The following CPSF6 variants were observed in gnomAD, a reference collection of about 807,000 sequenced individuals.
The protein encoded by CPSF6 is cleavage and polyadenylation specific factor 6.
CPSF6 carries 10 observed loss-of-function variants against 56.7 expected under a neutral mutation model. That is an observed-to-expected ratio of 0.18 (90% CI 0.11 to 0.30). CPSF6 has a LOEUF of 0.30. Among genes scored for constraint, CPSF6 ranks in the 10% least tolerant of loss-of-function variants. The pLI, the probability that CPSF6 is intolerant of heterozygous loss-of-function variation, is 1.00. For missense variants in CPSF6, 419 were observed against 722.9 expected (o/e 0.58, Z 4.82); for synonymous variants, 248 against 244.8 (o/e 1.01, Z -0.12).
At position 69,273,893 on chromosome 12, in the gene CPSF6, A is replaced by T. The variant is rs908137614; in HGVS notation, c.*4385A>T. On this transcript the variant is annotated 3_prime_UTR_variant, in exon 10 of 10. Transcript: ENST00000435070. Reference sequence around the variant, plus strand: ...GTTTACAGCCCTGTACAGCCTTACAAAGTTGTTTTACAATTTTTAATGGAA... The same window carrying T: ...GTTTACAGCCCTGTACAGCCTTACATAGTTGTTTTACAATTTTTAATGGAA... 9 of 151,944 alleles carry T rather than the reference A, an allele frequency of 5.9e-5. No individual in the cohort carries two copies. Among genetic ancestry groups the T allele is most frequent in the Non-Finnish European group, 1.0e-4 (7 of 67,860 alleles). The allele number at this position is 151,944 out of a possible 1,614,324, so 9.4% of individuals were successfully genotyped here. A position where few individuals can be genotyped will look rare whatever the true frequency, so the allele number is the denominator to read the frequency against.
chr12:69,249,255 AG>A (rs368697666), intron 1 of CPSF6, among the ~76,000 whole-genome samples: 1,628 of 148,108 alleles, frequency 0.011, 16 homozygotes, highest in Middle Eastern at 0.055. Context: ...TGGGCGACAG[AG>A]CAAGACTCCG....
At chr12:69,268,877 A>G (rs530301440) in intron 9 of CPSF6, among the ~76,000 whole-genome samples, 1 of 151,910 alleles carries the variant, frequency 6.6e-6, no homozygotes, top group South Asian at 2.1e-4. Context: ...GGTGGAATAG[A>G]CTAAAAGTAA....
At position 69,259,042 on chromosome 12, in the gene CPSF6, C is replaced by T. The variant is rs867013321; in HGVS notation, c.1147C>T (p.Pro383Ser). The change falls in exon 6 of 10, where the codon CCA (proline) becomes TCA (serine). Residue 383 changes from proline (P) to serine (S), a missense_variant. Around this residue, in one of 4 missense-constraint regions of CPSF6, gnomAD observed 211 missense variants for 296.0 expected, o/e 0.71. Transcript: ENST00000435070. Reference sequence around the variant, plus strand: ...TAGCCGAGGTCCACCACCAACAGATCCATATGGGCGACCTCCACCATATGA... The same window carrying T: ...TAGCCGAGGTCCACCACCAACAGATTCATATGGGCGACCTCCACCATATGA... ...SDSRGPPPTD[P>S]YGRPPPYDRG... The T allele has an allele frequency of 6.2e-7, 1 of 1,605,864 alleles. No individual in the cohort carries two copies. The highest frequency in any genetic ancestry group is 8.5e-7 in the Non-Finnish European group (1 of 1,179,974).
At chr12:69,247,123 A>G (rs978788341) in intron 1 of CPSF6, among the ~76,000 whole-genome samples, 17 of 31,306 alleles carry the variant, frequency 5.4e-4, no homozygotes, top group Non-Finnish European at 7.3e-5. Context: ...GTAATTAGGG[A>G]AAAAATGTCT....
At chr12:69,259,367 G>A (rs1331846765) in intron 6 of CPSF6, 61 bp from the exon 7 acceptor site, 24 of 1,575,182 alleles carry the variant, frequency 1.5e-5, no homozygotes, top group Middle Eastern at 1.7e-4. Flanking sequence ...GCTATACACT[G>A]TTGTGACTAA....
intron 1 of CPSF6, among the ~76,000 whole-genome samples, chr12:69,243,226 G>A (rs1208992426): frequency 2.6e-5 from 4 of 152,186 alleles, no homozygotes; most frequent in Non-Finnish European, 5.9e-5. Context: ...CCTACATACA[G>A]TAGTGCACAC....
chr12:69,239,945 T>C (rs1449497766), intron 1 of CPSF6, among the ~76,000 whole-genome samples: 1 of 150,076 alleles, frequency 6.7e-6, no homozygotes, highest in East Asian at 2.0e-4. Flanking sequence ...CGGGCCGCTG[T>C]GCAGCTGCCG....
At chr12:69,261,889 T>C (rs1392562971) in intron 8 of CPSF6, among the ~76,000 whole-genome samples, 1 of 152,188 alleles carries the variant, frequency 6.6e-6, no homozygotes, top group Non-Finnish European at 1.5e-5. Flanking sequence ...GAATATAACA[T>C]GCGTATTAGA....
chr12:69,240,280 C>T (rs1487014639), intron 1 of CPSF6, among the ~76,000 whole-genome samples: 1 of 152,244 alleles, frequency 6.6e-6, no homozygotes, highest in Non-Finnish European at 1.5e-5. Context: ...CCCCGGGGCT[C>T]TCCTTCTCGG....
At chr12:69,268,599 C>T (rs957391880) in intron 9 of CPSF6, among the ~76,000 whole-genome samples, 17 of 151,770 alleles carry the variant, frequency 1.1e-4, no homozygotes, top group Non-Finnish European at 2.4e-4. Context: ...CCTCTTGACT[C>T]TTAAATCACT....
chr12:69,260,656 G>C (rs190194153), intron 8 of CPSF6, among the ~76,000 whole-genome samples: 1 of 152,030 alleles, frequency 6.6e-6, no homozygotes, highest in Non-Finnish European at 1.5e-5. Flanking sequence ...TTAGTCTGTC[G>C]TATTGTTCTT....
chr12:69,263,745 A>T (rs1021465799), intron 9 of CPSF6, among the ~76,000 whole-genome samples: 1 of 152,070 alleles, frequency 6.6e-6, no homozygotes, highest in Non-Finnish European at 1.5e-5. Context: ...CAGATACGCA[A>T]ATGAAGTCCT....
In CPSF6 at chr12:69,258,188, AT is replaced by A; in HGVS notation, c.694+286del. 1 of 1,057,176 alleles carries A rather than the reference AT, an allele frequency of 9.5e-7. No homozygotes were observed. Among genetic ancestry groups the A allele is most frequent in the Non-Finnish European group, 1.4e-6 (1 of 727,250 alleles). 65.5% of individuals were successfully genotyped at this position (1,057,176 alleles called of 1,614,324 possible). A position where few individuals can be genotyped will look rare whatever the true frequency, so the allele number is the denominator to read the frequency against. On this transcript the variant is annotated intron_variant, in intron 5 of 9. Transcript: ENST00000435070. The surrounding 1 kb of genome is among the most constrained non-coding windows in gnomAD (Gnocchi z 4.2). ...AACTTGCTTGACTTATATATAGAAT[AT>A]TTACATCCGTCTTACTTTCTTACCT...
In CPSF6 at chr12:69,239,622, C is replaced by T. The variant is rs1373942015; in HGVS notation, c.-25C>T. The T allele has an allele frequency of 1.9e-6, 3 of 1,553,872 alleles. No homozygotes were observed. The highest frequency in any genetic ancestry group is 8.7e-7 in the Non-Finnish European group (1 of 1,152,924). On this transcript the variant is annotated 5_prime_UTR_variant, in exon 1 of 10. Transcript: ENST00000435070. ...GCAGACCTGCAGGAGGCGGCGGCGG[C>T]GGCGGCGGCCGAGGCTGAAGGAAGA...
At chr12:69,249,257 C>T (rs568706970) in intron 1 of CPSF6, among the ~76,000 whole-genome samples, 1,629 of 144,162 alleles carry the variant, frequency 0.011, 15 homozygotes, top group Middle Eastern at 0.058. Context: ...GGCGACAGAG[C>T]AAGACTCCGT....
intron 4 of CPSF6, 102 bp from the exon 5 acceptor site, chr12:69,257,630 C>G (rs1281402320): frequency 1.5e-5 from 16 of 1,099,170 alleles, no homozygotes; most frequent in Non-Finnish European, 1.8e-5. Context: ...AAGGCATTTG[C>G]AAGTTAATAT....
chr12:69,268,738 A>T (rs1416272655), intron 9 of CPSF6, among the ~76,000 whole-genome samples: 1 of 151,664 alleles, frequency 6.6e-6, no homozygotes, highest in Non-Finnish European at 1.5e-5. Flanking sequence ...TGTATTCTTT[A>T]AATTTTAGTT....
At position 69,272,986 on chromosome 12, in the gene CPSF6, T is replaced by C. The variant is rs562172906; in HGVS notation, c.*3478T>C. The C allele has an allele frequency of 2.8e-5, 7 of 252,682 alleles. No individual in the cohort carries two copies. Among genetic ancestry groups the C allele is most frequent in the African/African-American group, 1.6e-4 (7 of 44,010 alleles). 15.7% of individuals were successfully genotyped at this position (252,682 alleles called of 1,614,324 possible). Reference sequence around the variant, plus strand: ...ACTCTTAGAAGCCTTAGACTGATTTTTTCAATAAATATTCAACCAAAAATT... The same window carrying C: ...ACTCTTAGAAGCCTTAGACTGATTTCTTCAATAAATATTCAACCAAAAATT... On this transcript the variant is annotated 3_prime_UTR_variant, in exon 10 of 10. Transcript: ENST00000435070.
At chr12:69,263,613 T>C (rs1413946142) in intron 9 of CPSF6, among the ~76,000 whole-genome samples, 1 of 152,096 alleles carries the variant, frequency 6.6e-6, no homozygotes, top group Non-Finnish European at 1.5e-5. Flanking sequence ...TCAGTAATCA[T>C]GGGAAACTTA....
Sources: allele counts gnomAD v4.1 joint callset (sites outside exome capture counted in the v4.1 genomes callset), GRCh38; gene constraint gnomAD v4.1.1; regional missense constraint gnomAD v4.1.1; non-coding constraint Gnocchi (gnomAD v3.1); transcripts MANE v1.5; gene names NCBI Gene and HGNC (gene_info 2026-07-23, HGNC 2026-07-21).